Variants in KIAA1328 observed in about 807,000 individuals in gnomAD.
The protein encoded by KIAA1328 is KIAA1328.
A neutral mutation model predicts 68.1 loss-of-function variants in KIAA1328; 52 were observed. The ratio of observed to expected loss-of-function variants is 0.76; its 90% CI spans 0.61 to 0.96. The LOEUF is 0.96. KIAA1328 is among the 40% of genes least tolerant of loss of function. The pLI, the probability that KIAA1328 is intolerant of heterozygous loss-of-function variation, is 0.00. For missense variants in KIAA1328, 641 were observed against 677.6 expected (o/e 0.95, Z 0.60); for synonymous variants, 232 against 239.4 (o/e 0.97, Z 0.28).
intron 6 of KIAA1328, among the ~76,000 whole-genome samples, chr18:37,002,228 C>CTTTTTTT (rs145948250): frequency 2.1e-5 from 2 of 95,162 alleles, no homozygotes; most frequent in Non-Finnish European, 2.1e-5. Flanking sequence ...ATTTTTTTTT[C>CTTTTTTT]TTTTTTTTTT....
chr18:36,975,613 A>T (rs1256584141), intron 6 of KIAA1328, among the ~76,000 whole-genome samples: 1 of 152,220 alleles, frequency 6.6e-6, no homozygotes, highest in African/African-American at 2.4e-5. Flanking sequence ...AAAATGTAAT[A>T]TTTGACTGTG....
intron 7 of KIAA1328, among the ~76,000 whole-genome samples, chr18:37,128,628 T>G (rs1357326674): frequency 6.6e-6 from 1 of 152,140 alleles, no homozygotes; most frequent in African/African-American, 2.4e-5. Flanking sequence ...ACTCACCTAC[T>G]ACCCAACAAT....
Position 36,959,438 on chromosome 18 carries a change from A to G in KIAA1328, c.576+3A>G, listed in dbSNP as rs906692692. 1 of 1,605,114 alleles carries G rather than the reference A, an allele frequency of 6.2e-7. No homozygotes were observed. Among genetic ancestry groups the G allele is most frequent in the Non-Finnish European group, 8.5e-7 (1 of 1,177,060 alleles). On this transcript the variant is annotated splice_donor_region_variant and intron_variant, in intron 6 of 9. Transcript: ENST00000280020. ...CTGCTAGAATGCAGGAACAGCAGGT[A>G]AGCATCTTTAATTTTACTTTTCTTG...
intron 6 of KIAA1328, among the ~76,000 whole-genome samples, chr18:37,057,139 T>G (rs1401973398): frequency 6.6e-6 from 1 of 152,208 alleles, no homozygotes; most frequent in Non-Finnish European, 1.5e-5. Flanking sequence ...AAATATGTAG[T>G]ACATTTCAAG....
intron 7 of KIAA1328, among the ~76,000 whole-genome samples, chr18:37,159,343 T>C (rs2059226228): frequency 6.6e-6 from 1 of 152,210 alleles, no homozygotes; most frequent in African/African-American, 2.4e-5. Flanking sequence ...TTCCCTTTGC[T>C]TCTGGGGAGT....
intron 7 of KIAA1328, among the ~76,000 whole-genome samples, chr18:37,125,897 G>A (rs1426928552): frequency 3.3e-5 from 5 of 152,162 alleles, no homozygotes. Context: ...CTACTGTGCT[G>A]CTTAGTTACC....
At chr18:37,059,970 A>G (rs1393774480) in intron 6 of KIAA1328, among the ~76,000 whole-genome samples, 1 of 151,338 alleles carries the variant, frequency 6.6e-6, no homozygotes, top group African/African-American at 2.4e-5. Flanking sequence ...GTTCTCACTC[A>G]TAACTGGGAG....
At chr18:37,181,717 T>A (rs1414610113) in intron 9 of KIAA1328, among the ~76,000 whole-genome samples, 1 of 152,210 alleles carries the variant, frequency 6.6e-6, no homozygotes, top group African/African-American at 2.4e-5. Flanking sequence ...CAACAGCTTA[T>A]ATTTACTACT....
intron 5 of KIAA1328, among the ~76,000 whole-genome samples, chr18:36,900,467 G>A (rs752454470): frequency 2.0e-5 from 3 of 151,864 alleles, no homozygotes; most frequent in Non-Finnish European, 4.4e-5. Flanking sequence ...GCAGTAATGA[G>A]TTCTAAACAT....
Position 36,899,673 on chromosome 18 carries a change from T to G in KIAA1328, c.448+14001T>G, listed in dbSNP as rs372696693. On this transcript the variant is annotated intron_variant, in intron 5 of 9. Coordinates refer to ENST00000280020, the MANE Select transcript of KIAA1328 (RefSeq NM_020776.3). ...CACATTTAAAAGATGCTGAAATGTT[T>G]TCTGTTTTCCTGACTGCTAGGAAAG... 2.3e-4 allele frequency among the ~76,000 whole-genome samples: 35 copies of G among 152,100 alleles called. No individual in the cohort carries two copies. In the East Asian group the frequency reaches 6.4e-3, roughly 28 times the overall value.
intron 7 of KIAA1328, among the ~76,000 whole-genome samples, chr18:37,080,449 C>G (rs1018418857): frequency 1.3e-5 from 2 of 152,164 alleles, no homozygotes; most frequent in Admixed American, 6.5e-5. Context: ...AACCATCAGA[C>G]AGTACCCAGC....
chr18:36,893,041 T>TA (rs529822874), intron 5 of KIAA1328, among the ~76,000 whole-genome samples: 2 of 151,946 alleles, frequency 1.3e-5, no homozygotes, highest in Admixed American at 1.3e-4. Flanking sequence ...CCCCTGAATC[T>TA]AAAAAAAAGT....
intron 7 of KIAA1328, among the ~76,000 whole-genome samples, chr18:37,097,349 G>C (rs2057444369): frequency 6.6e-6 from 1 of 152,102 alleles, no homozygotes; most frequent in Non-Finnish European, 1.5e-5. Context: ...TCCATTTCTT[G>C]TTTTTGTCAG....
At chr18:36,990,028 A>G (rs1281368247) in intron 6 of KIAA1328, among the ~76,000 whole-genome samples, 3 of 152,040 alleles carry the variant, frequency 2.0e-5, no homozygotes, top group Admixed American at 6.6e-5. Flanking sequence ...TTTCCTCATT[A>G]TTGTTAAACT....
intron 5 of KIAA1328, among the ~76,000 whole-genome samples, chr18:36,949,638 A>G (rs1372995097): frequency 9.0e-6 from 1 of 110,600 alleles, no homozygotes; most frequent in Non-Finnish European, 1.7e-5. Context: ...CAATTCTGCA[A>G]GAAATAAGGT....
intron 7 of KIAA1328, among the ~76,000 whole-genome samples, chr18:37,068,832 C>A (rs147918120): frequency 7.6e-4 from 115 of 151,922 alleles, no homozygotes; most frequent in African/African-American, 2.4e-3. Context: ...ACTCTGTTGC[C>A]CAGGCTGGTC....
chr18:37,132,915 G>A (rs552908344), intron 7 of KIAA1328, among the ~76,000 whole-genome samples: 24 of 152,298 alleles, frequency 1.6e-4, no homozygotes, highest in African/African-American at 5.8e-4. Context: ...GCAATGAAAA[G>A]GAAGGAAATA....
At chr18:36,949,608 CA>C (rs1568202968) in intron 5 of KIAA1328, among the ~76,000 whole-genome samples, 1 of 106,212 alleles carries the variant, frequency 9.4e-6, no homozygotes, top group Non-Finnish European at 1.9e-5. Flanking sequence ...CCCCCCCCCC[CA>C]CCCCCCGATC....
chr18:36,928,362 T>C (rs1479535984), intron 5 of KIAA1328, among the ~76,000 whole-genome samples: 1 of 152,244 alleles, frequency 6.6e-6, no homozygotes, highest in African/African-American at 2.4e-5. Flanking sequence ...CTATGGCTTC[T>C]AACTCTGTGA....
Sources: gnomAD v4.1 joint callset for allele counts (sites outside exome capture counted in the v4.1 genomes callset) on GRCh38, gnomAD v4.1.1 for gene constraint, MANE v1.5 for transcripts, NCBI Gene and HGNC (gene_info 2026-07-23, HGNC 2026-07-21) for gene names.